SLC34A2: variants seen among roughly 807,000 people sequenced by gnomAD.
SLC34A2 encodes the protein sodium-dependent phosphate transport protein 2B.
Under a neutral mutation model 50.8 loss-of-function variants are expected in SLC34A2, and 41 were observed. The ratio of observed to expected loss-of-function variants is 0.81; its 90% CI spans 0.63 to 1.05. The LOEUF (loss-of-function observed/expected upper bound fraction) is 1.05, where lower values mean the gene tolerates loss of function less well. Among genes scored for constraint, SLC34A2 ranks in the 50% least tolerant of loss-of-function variants. The probability of loss-of-function intolerance (pLI) is 0.00; values close to 1 mark genes in which losing one functional copy is unlikely to be tolerated. For missense variants in SLC34A2, 879 were observed against 876.7 expected (o/e 1.00, Z -0.03); for synonymous variants, 401 against 364.2 (o/e 1.10, Z -1.15).
rs188284296 is a variant in SLC34A2 at position 25,673,000 on chromosome 4, G to T, written c.1049-87G>T. The T allele has an allele frequency of 3.0e-5, 43 of 1,429,580 alleles. No individual in the cohort carries two copies. The African/African-American group carries it at 5.0e-4, about 17-fold the overall frequency. 88.6% of individuals were successfully genotyped at this position (1,429,580 alleles called of 1,614,324 possible). On this transcript the variant is annotated intron_variant, in intron 9 of 12. Transcript: ENST00000382051. The stretch of plus-strand genomic sequence containing the variant: ...ACTAACAACCAGGAATCTGTTTGTA[G>T]GAAAGACAGGATCTGGGGGAATAAA...
chr4:25,673,245 A>G lies in SLC34A2; in HGVS notation c.1207A>G (p.Ile403Val), dbSNP rs141905062. The G allele has an allele frequency of 1.7e-3, 2,724 of 1,612,730 alleles. 3 individuals are homozygous for G. The highest frequency in any genetic ancestry group is 2.1e-3 in the Non-Finnish European group (2,524 of 1,179,936). ...GQVATVIKKT[I>V]NTDFPFPFAW... ...GGTCGCCACTGTCATCAAGAAGACC[A>G]TCAACACTGGTAGGTACACTGCCCT... Residue 403 changes from isoleucine (I) to valine (V), a missense_variant, in exon 10 of 13, where the codon ATC (isoleucine) becomes GTC (valine). Coordinates refer to ENST00000382051, the MANE Select transcript of SLC34A2 (RefSeq NM_006424.3).
intron 5 of SLC34A2, among the ~76,000 whole-genome samples, chr4:25,667,428 C>T (rs561916083): frequency 1.3e-5 from 2 of 152,366 alleles, no homozygotes; most frequent in South Asian, 4.1e-4. Context: ...AAGAGAATCA[C>T]TTTAACCTGG....
chr4:25,666,246 C>G lies in SLC34A2; in HGVS notation c.498C>G (p.Ile166Met). 6.2e-7 allele frequency: 1 copy of G among 1,613,980 alleles called. No homozygotes were observed. The change falls in exon 5 of 13, where the codon ATC (isoleucine) becomes ATG (methionine). Residue 166 changes from isoleucine to methionine, a missense_variant. By Grantham distance (10) the Ile-to-Met change is conservative. Coordinates refer to ENST00000382051, the MANE Select transcript of SLC34A2 (RefSeq NM_006424.3). ...AGAGCTCCAGCACCTCAACGTCCAT[C>G]GTTGTCAGCATGGTGTCCTCTTCAT... ...LVQSSSTSTS[I>M]VVSMVSSSLL... is the part of the protein sequence containing the mutation.
chr4:25,676,783 G>A lies in SLC34A2; in HGVS notation c.*34G>A, dbSNP rs1715159356. ...CCAGATTGTCAGGGATGGGGGGATG[G>A]TCCTTGAGTTTTGCATGCTCTCCTC... On this transcript the variant is annotated 3_prime_UTR_variant, in exon 13 of 13. Coordinates refer to ENST00000382051, the MANE Select transcript of SLC34A2 (RefSeq NM_006424.3). The A allele has an allele frequency of 7.4e-6, 12 of 1,613,350 alleles. No homozygotes were observed. The highest frequency in any genetic ancestry group is 1.0e-5 in the Non-Finnish European group (12 of 1,179,710).
intron 1 of SLC34A2, among the ~76,000 whole-genome samples, chr4:25,657,716 T>C (rs1247487252): frequency 6.6e-6 from 1 of 152,188 alleles, no homozygotes; most frequent in Non-Finnish European, 1.5e-5. Flanking sequence ...ATTGCTTCCT[T>C]GACTCCTCTC....
chr4:25,658,630 C>G (rs1714011754), intron 1 of SLC34A2, among the ~76,000 whole-genome samples: 1 of 152,152 alleles, frequency 6.6e-6, no homozygotes, highest in African/African-American at 2.4e-5. Flanking sequence ...GGAAGTGGAG[C>G]CAAGAGGGTG....
At position 25,662,860 on chromosome 4, in the gene SLC34A2, T is replaced by C; in HGVS notation, c.250+18T>C. 1 of 1,613,730 alleles carries C rather than the reference T, an allele frequency of 6.2e-7. No homozygotes were observed. Among genetic ancestry groups the C allele is most frequent in the Non-Finnish European group, 8.5e-7 (1 of 1,179,756 alleles). On this transcript the variant is annotated intron_variant, in intron 3 of 12. Coordinates refer to ENST00000382051, the MANE Select transcript of SLC34A2 (RefSeq NM_006424.3). ...GTGGTCAGGTAAAAGTGAGGCCAGC[T>C]GAGACATTCAGGAGGGAAACTTCCT...
In SLC34A2 at chr4:25,667,996, G is replaced by A. The variant is rs191211377; in HGVS notation, c.635+5G>A. 1.8e-4 allele frequency: 279 copies of A among 1,591,590 alleles called. 1 individual carries two copies. The African/African-American group carries it at 2.5e-3, about 14-fold the overall frequency. On this transcript the variant is annotated splice_donor_5th_base_variant and intron_variant, in intron 6 of 12. Coordinates refer to ENST00000382051, the MANE Select transcript of SLC34A2 (RefSeq NM_006424.3). ...AGATCGGAGTGAGTTCAGAAGGTAA[G>A]AGGCTCAAAACCAGCCTTTGCGACA...
At position 25,670,721 on chromosome 4, in the gene SLC34A2, G is replaced by A. The variant is rs367580162; in HGVS notation, c.832-17G>A. On this transcript the variant is annotated splice_polypyrimidine_tract_variant and intron_variant, in intron 7 of 12. Coordinates refer to ENST00000382051, the MANE Select transcript of SLC34A2 (RefSeq NM_006424.3). ...TCTGAGGATATGCTGATGGTTTCCT[G>A]TCTACTGTTTCCACAGCTGGATAAA... 6.2e-6 allele frequency: 10 copies of A among 1,604,858 alleles called. No homozygotes were observed. The highest frequency in any genetic ancestry group is 8.5e-6 in the Non-Finnish European group (10 of 1,172,322).
At chr4:25,668,830 ACT>A (rs1714654986) in intron 6 of SLC34A2, among the ~76,000 whole-genome samples, 1 of 150,852 alleles carries the variant, frequency 6.6e-6, no homozygotes, top group Admixed American at 6.6e-5. Flanking sequence ...AATGCTGGAA[ACT>A]CTTTTCTTTC....
At chr4:25,671,292 C>A (rs973726770) in intron 8 of SLC34A2, among the ~76,000 whole-genome samples, 35 of 152,150 alleles carry the variant, frequency 2.3e-4, no homozygotes, top group African/African-American at 7.7e-4. Flanking sequence ...TGCTTTGCAC[C>A]TGGGTTGTGG....
rs34751784 is a variant in SLC34A2 at position 25,676,201 on chromosome 4, C to G, written c.1525C>G (p.Arg509Gly). 6.2e-7 allele frequency: 1 copy of G among 1,614,206 alleles called. No individual in the cohort carries two copies. The highest frequency in any genetic ancestry group is 1.7e-5 in the Admixed American group (1 of 60,028). Reference sequence around the variant, plus strand: ...GCTGTGGTACCCGATCCCGTTCACTCGCCTGCCCATCCGCATGGCCAAGGG... The same window carrying G: ...GCTGTGGTACCCGATCCCGTTCACTGGCCTGCCCATCCGCATGGCCAAGGG... The part of the protein sequence containing the change: ...ILLWYPIPFT[R>G]LPIRMAKGLG... Residue 509 changes from arginine to glycine, a missense_variant, in exon 13 of 13, where the codon CGC becomes GGC. Transcript: ENST00000382051.
chr4:25,676,004 G>A, intron 12 of SLC34A2, 131 bp from the exon 13 acceptor site: 2 of 1,448,312 alleles, frequency 1.4e-6, no homozygotes, highest in Non-Finnish European at 1.9e-6. Context: ...GAGCCATAAG[G>A]ACAAAGAAGG....
intron 1 of SLC34A2, among the ~76,000 whole-genome samples, chr4:25,657,045 T>C (rs147824511): frequency 2.0e-5 from 3 of 152,328 alleles, no homozygotes; most frequent in Non-Finnish European, 4.4e-5. Context: ...CCGCTGATCA[T>C]GATCTTCTCT....
intron 1 of SLC34A2, among the ~76,000 whole-genome samples, chr4:25,656,745 T>A (rs543801160): frequency 1.3e-5 from 2 of 152,220 alleles, no homozygotes; most frequent in Non-Finnish European, 2.9e-5. Context: ...AATCTCGTTT[T>A]CTTTGAGGAG....
At position 25,662,457 on chromosome 4, in the gene SLC34A2, C is replaced by T. The variant is rs562249649; in HGVS notation, c.-3-41C>T. On this transcript the variant is annotated intron_variant, in intron 1 of 12. Transcript: ENST00000382051. ...CTCTTATAGCATCTCGGTGTGCCTC[C>T]TTTCCATGACTGCTGCTTTAAGCTG... The T allele has an allele frequency of 1.6e-5, 25 of 1,570,148 alleles. No individual in the cohort carries two copies. In the South Asian group the frequency reaches 2.6e-4, roughly 16 times the overall value.
chr4:25,656,909 T>C (rs911248592), intron 1 of SLC34A2, among the ~76,000 whole-genome samples: 1 of 152,212 alleles, frequency 6.6e-6, no homozygotes, highest in African/African-American at 2.4e-5. Flanking sequence ...TTCCCTTGTG[T>C]GCTGGCAGTT....
At chr4:25,661,624 G>A (rs1334614293) in intron 1 of SLC34A2, among the ~76,000 whole-genome samples, 1 of 152,122 alleles carries the variant, frequency 6.6e-6, no homozygotes, top group East Asian at 1.9e-4. Context: ...CTGACCTCAG[G>A]TGACCCACCC....
rs750598263 is a variant in SLC34A2, at chr4:25,667,925, T to C, written c.569T>C (p.Ile190Thr). ...ATCCCCATTATCATGGGGGCCAACA[T>C]TGGAACGTCAATCACCAACACTATT... is the stretch of plus-strand genomic sequence containing the variant. ...AAIPIIMGAN[I>T]GTSITNTIVA... The change falls in exon 6 of 13, where the codon ATT becomes ACT. Residue 190 changes from isoleucine to threonine, a missense_variant. Transcript: ENST00000382051. 13 of 1,613,974 alleles carry C rather than the reference T, an allele frequency of 8.1e-6. No individual in the cohort carries two copies. The highest frequency in any genetic ancestry group is 4.5e-5 in the East Asian group (2 of 44,900).
Sources: gnomAD v4.1 joint callset for allele counts (sites outside exome capture counted in the v4.1 genomes callset) on GRCh38, gnomAD v4.1.1 for gene constraint, MANE v1.5 for transcripts, NCBI Gene and HGNC (gene_info 2026-07-23, HGNC 2026-07-21) for gene names.